SEMA5A: variants seen among roughly 807,000 people sequenced by gnomAD.
SEMA5A encodes semaphorin 5A, also known as semaphorin-5A.
SEMA5A carries 55 observed loss-of-function variants against 135.5 expected under a neutral mutation model. That is an observed-to-expected ratio of 0.41 (90% CI 0.33 to 0.51). SEMA5A has a LOEUF of 0.51. Ranked by LOEUF, SEMA5A falls within the 20% of genes least tolerant of loss-of-function variation. The pLI is 0.37. For synonymous variants in SEMA5A, 580 were observed against 546.5 expected (o/e 1.06, Z -0.85); for missense variants, 1,290 against 1,419.9 (o/e 0.91, Z 1.47).
chr5:9,235,155 T>C (rs1747833086), intron 6 of SEMA5A, among the ~76,000 whole-genome samples: 1 of 152,218 alleles, frequency 6.6e-6, no homozygotes, highest in African/African-American at 2.4e-5. Flanking sequence ...TGGAATCTGA[T>C]GCTTTGCTTT....
At chr5:9,285,199 T>C (rs1177318094) in intron 5 of SEMA5A, among the ~76,000 whole-genome samples, 1 of 152,220 alleles carries the variant, frequency 6.6e-6, no homozygotes, top group Non-Finnish European at 1.5e-5. Context: ...CTACAAATGA[T>C]TTCTAACATT....
At chr5:9,391,808 T>C (rs1171454487) in intron 2 of SEMA5A, among the ~76,000 whole-genome samples, 6 of 152,220 alleles carry the variant, frequency 3.9e-5, no homozygotes, top group African/African-American at 1.4e-4. Context: ...AGAGCTCATC[T>C]GATTAAGTAA....
intron 1 of SEMA5A, among the ~76,000 whole-genome samples, chr5:9,539,251 G>T (rs1737946780): frequency 1.3e-5 from 2 of 152,278 alleles, no homozygotes; most frequent in Non-Finnish European, 2.9e-5. Context: ...CTTGGCACAA[G>T]GTTTTGAGGT....
intron 2 of SEMA5A, among the ~76,000 whole-genome samples, chr5:9,427,848 G>T (rs1008050197): frequency 5.9e-5 from 9 of 152,038 alleles, no homozygotes; most frequent in African/African-American, 1.9e-4. Flanking sequence ...AAGTTACATA[G>T]CTGGGTGTTA....
chr5:9,047,013 T>C (rs1030924573), intron 21 of SEMA5A, among the ~76,000 whole-genome samples: 1 of 152,126 alleles, frequency 6.6e-6, no homozygotes, highest in African/African-American at 2.4e-5. Flanking sequence ...CCTCTAGGGC[T>C]GGAGAACTGC....
At chr5:9,418,474 A>T (rs753223216) in intron 2 of SEMA5A, among the ~76,000 whole-genome samples, 2 of 152,206 alleles carry the variant, frequency 1.3e-5, no homozygotes, top group Non-Finnish European at 2.9e-5. Context: ...CAAATACTAC[A>T]TTTTCAAAGT....
chr5:9,103,277 T>C (rs1163003023), intron 16 of SEMA5A, among the ~76,000 whole-genome samples: 2 of 152,160 alleles, frequency 1.3e-5, no homozygotes, highest in African/African-American at 4.8e-5. Flanking sequence ...GACCCTAATG[T>C]GCTACACAAA....
At position 9,537,860 on chromosome 5, in the gene SEMA5A, CA is replaced by C. The variant is rs1737852784; in HGVS notation, c.-175+7723del. ...ATACTCTATTACCAGTGGAGAAATG[CA>C]TATGAGTGCTAAAGGCCAGCTAGCC... On this transcript the variant is annotated intron_variant, in intron 1 of 22. Coordinates refer to ENST00000382496, the MANE Select transcript of SEMA5A (RefSeq NM_003966.3). Among the ~76,000 whole-genome samples the C allele has an allele frequency of 2.0e-5, 3 of 152,206 alleles. No individual in the cohort carries two copies. In the South Asian group the frequency reaches 6.2e-4, roughly 31 times the overall value.
chr5:9,140,314 C>A (rs943884235), intron 12 of SEMA5A, among the ~76,000 whole-genome samples: 1 of 152,150 alleles, frequency 6.6e-6, no homozygotes, highest in Non-Finnish European at 1.5e-5. Context: ...TTTAATAACA[C>A]TTTTTTGTGC....
At chr5:9,494,256 G>A (rs186477698) in intron 1 of SEMA5A, among the ~76,000 whole-genome samples, 1 of 152,118 alleles carries the variant, frequency 6.6e-6, no homozygotes, top group African/African-American at 2.4e-5. Context: ...ACACATCAAA[G>A]TTAATTATCT....
intron 3 of SEMA5A, among the ~76,000 whole-genome samples, chr5:9,356,822 AG>A (rs1231476564): frequency 6.6e-6 from 1 of 152,198 alleles, no homozygotes; most frequent in Non-Finnish European, 1.5e-5. Flanking sequence ...CAAATAAAGC[AG>A]TTATTGTCTA....
At chr5:9,478,311 C>A (rs112337733) in intron 1 of SEMA5A, among the ~76,000 whole-genome samples, 2 of 152,152 alleles carry the variant, frequency 1.3e-5, no homozygotes, top group Non-Finnish European at 2.9e-5. Context: ...GGTTGGAGGC[C>A]CCATACAGAA....
At chr5:9,472,829 T>A (rs975761498) in intron 1 of SEMA5A, among the ~76,000 whole-genome samples, 1 of 151,440 alleles carries the variant, frequency 6.6e-6, no homozygotes, top group African/African-American at 2.4e-5. Context: ...TTATTCAAAA[T>A]TATTAGAAGT....
intron 1 of SEMA5A, among the ~76,000 whole-genome samples, chr5:9,532,244 T>C (rs1737485861): frequency 6.6e-6 from 1 of 151,578 alleles, no homozygotes; most frequent in Admixed American, 6.6e-5. Context: ...ACAAAAAACC[T>C]TGGGGAAAAA....
chr5:9,363,646 T>A (rs979064742), intron 3 of SEMA5A, among the ~76,000 whole-genome samples: 1 of 152,216 alleles, frequency 6.6e-6, no homozygotes, highest in African/African-American at 2.4e-5. Flanking sequence ...TGTGAAATTC[T>A]TGGTGATATC....
intron 5 of SEMA5A, among the ~76,000 whole-genome samples, chr5:9,240,723 C>T (rs1398594986): frequency 6.6e-6 from 1 of 152,022 alleles, no homozygotes; most frequent in African/African-American, 2.4e-5. Context: ...GAACCAAATA[C>T]CTCTTAATCA....
chr5:9,201,392 T>C (rs1745695766), intron 9 of SEMA5A, among the ~76,000 whole-genome samples: 1 of 152,180 alleles, frequency 6.6e-6, no homozygotes, highest in East Asian at 1.9e-4. Context: ...AGACAAAAAA[T>C]ACTATAATTT....
chr5:9,436,527 T>A (rs751085475), intron 2 of SEMA5A, among the ~76,000 whole-genome samples: 8 of 152,166 alleles, frequency 5.3e-5, no homozygotes, highest in Non-Finnish European at 1.0e-4. Context: ...TCCTTCCTCA[T>A]AGACGAAGCC....
intron 5 of SEMA5A, among the ~76,000 whole-genome samples, chr5:9,317,878 G>A (rs753715643): frequency 1.9e-4 from 29 of 152,188 alleles, no homozygotes; most frequent in African/African-American, 6.0e-4. Flanking sequence ...TGTTCAAACC[G>A]CAACAACAGA....
Sources: gnomAD v4.1 joint callset for allele counts (sites outside exome capture counted in the v4.1 genomes callset) on GRCh38, gnomAD v4.1.1 for gene constraint, MANE v1.5 for transcripts, NCBI Gene and HGNC (gene_info 2026-07-23, HGNC 2026-07-21) for gene names.